DGKB: variants seen among roughly 807,000 people sequenced by gnomAD.
DGKB encodes the protein diacylglycerol kinase beta.
In DGKB, 67 loss-of-function variants were observed where a neutral mutation model predicts 114.3. The ratio of observed to expected loss-of-function variants is 0.59; its 90% CI spans 0.48 to 0.72. DGKB has a LOEUF of 0.72. Ranked by LOEUF, DGKB falls within the 30% of genes least tolerant of loss-of-function variation. The pLI, the probability that DGKB is intolerant of heterozygous loss-of-function variation, is 0.00. For synonymous variants in DGKB, 398 were observed against 323.1 expected (o/e 1.23, Z -2.49); for missense variants, 907 against 975.2 (o/e 0.93, Z 0.93).
intron 21 of DGKB, among the ~76,000 whole-genome samples, chr7:14,469,279 C>T (rs10950528): frequency 0.37 from 56,034 of 151,896 alleles, 10,729 homozygotes; most frequent in Admixed American, 0.47. Flanking sequence ...GCCCATCAAA[C>T]AAACAGGGCT....
chr7:14,709,607 A>G (rs1286393341), intron 6 of DGKB, among the ~76,000 whole-genome samples: 4 of 142,710 alleles, frequency 2.8e-5, no homozygotes, highest in Non-Finnish European at 6.1e-5. Context: ...AAAATGTGGC[A>G]CATATACACC....
At chr7:14,838,819 G>T (rs1478972335) in intron 2 of DGKB, among the ~76,000 whole-genome samples, 1 of 152,092 alleles carries the variant, frequency 6.6e-6, no homozygotes, top group African/African-American at 2.4e-5. Context: ...TTTGACTCAA[G>T]TACGGCATAT....
intron 15 of DGKB, among the ~76,000 whole-genome samples, chr7:14,616,917 T>C (rs1806647330): frequency 6.6e-6 from 1 of 151,814 alleles, no homozygotes; most frequent in Admixed American, 6.6e-5. Context: ...GTTATAAATT[T>C]GATGTGCAGG....
At chr7:14,893,494 ACCT>A (rs534699804) in intron 1 of DGKB, among the ~76,000 whole-genome samples, 1 of 151,032 alleles carries the variant, frequency 6.6e-6, no homozygotes, top group Admixed American at 6.6e-5. Context: ...TCCTAAAATT[ACCT>A]CCTTTTTCAC....
chr7:14,177,554 C>CAAAAAAAAAAAAAAAAAAAAAAAAAAAAA (rs56019837), intron 24 of DGKB, among the ~76,000 whole-genome samples: 37 of 69,026 alleles, frequency 5.4e-4, no homozygotes, highest in Non-Finnish European at 8.0e-4. Flanking sequence ...AACTCCGTCT[C>CAAAAAAAAAAAAAAAAAAAAAAAAAAAAA]AAAAAAAAAA....
intron 3 of DGKB, among the ~76,000 whole-genome samples, chr7:14,755,626 T>C (rs1265833332): frequency 6.6e-6 from 1 of 152,126 alleles, no homozygotes; most frequent in African/African-American, 2.4e-5. Flanking sequence ...AATTCTGCCA[T>C]ATTGTAAGAG....
intron 21 of DGKB, among the ~76,000 whole-genome samples, chr7:14,442,422 A>G (rs1183840047): frequency 1.3e-5 from 2 of 151,918 alleles, no homozygotes; most frequent in East Asian, 3.9e-4. Flanking sequence ...GTATTGGTAG[A>G]ATATTTGTCT....
At chr7:14,624,209 T>C (rs1164332077) in intron 14 of DGKB, among the ~76,000 whole-genome samples, 1 of 152,198 alleles carries the variant, frequency 6.6e-6, no homozygotes, top group East Asian at 1.9e-4. Context: ...GTGTTAGCTG[T>C]TCAAAAACTT....
At position 14,712,783 on chromosome 7, in the gene DGKB, T is replaced by C. The variant is rs115260088; in HGVS notation, c.466+5759A>G. ...GCCTGGTGAGCCTATAAAACCTTTC[T>C]CTTTTAAAACTATATTTAAAAATAA... On this transcript the variant is annotated intron_variant, in intron 6 of 25. Transcript: ENST00000402815. Among the ~76,000 whole-genome samples, 800 of 152,168 alleles carry C rather than the reference T, an allele frequency of 5.3e-3. 5 individuals are homozygous for C. Among genetic ancestry groups the C allele is most frequent in the African/African-American group, 0.018 (743 of 41,564 alleles).
intron 2 of DGKB, among the ~76,000 whole-genome samples, chr7:14,811,133 T>C (rs1329584710): frequency 6.6e-6 from 1 of 152,202 alleles, no homozygotes; most frequent in African/African-American, 2.4e-5. Context: ...AGTGGCATTC[T>C]GGAAGCTCAG....
chr7:14,449,856 G>C (rs535057357), intron 21 of DGKB, among the ~76,000 whole-genome samples: 1 of 152,086 alleles, frequency 6.6e-6, no homozygotes, highest in South Asian at 2.1e-4. Flanking sequence ...AGCCAACCCA[G>C]TTAGGTATTC....
intron 13 of DGKB, among the ~76,000 whole-genome samples, chr7:14,654,130 A>G (rs1391495053): frequency 6.6e-6 from 1 of 152,090 alleles, no homozygotes; most frequent in African/African-American, 2.4e-5. Context: ...TTACATATAG[A>G]AAAACCTGAA....
chr7:14,624,190 G>A (rs185081643), intron 14 of DGKB, among the ~76,000 whole-genome samples: 21 of 152,268 alleles, frequency 1.4e-4, no homozygotes, highest in Non-Finnish European at 2.4e-4. Flanking sequence ...ATTTGAAAAT[G>A]CATAGCTTGT....
chr7:14,705,685 T>G (rs1274394314), intron 6 of DGKB, among the ~76,000 whole-genome samples: 1 of 150,450 alleles, frequency 6.6e-6, no homozygotes, highest in African/African-American at 2.4e-5. Flanking sequence ...AAAAGAATTT[T>G]CAACCCAGAA....
rs1819243663 is a variant in DGKB, at chr7:14,673,063, A to G, written c.1036-36T>C. 4.8e-6 allele frequency: 6 copies of G among 1,237,318 alleles called. No individual in the cohort carries two copies. In the East Asian group the frequency reaches 1.0e-4, roughly 21 times the overall value. The allele number at this position is 1,237,318 out of a possible 1,614,324, so 76.6% of individuals were successfully genotyped here. On this transcript the variant is annotated intron_variant, in intron 12 of 25. Coordinates refer to ENST00000402815, the MANE Select transcript of DGKB (RefSeq NM_001350709.2). ...AGAAAGGGGGATAGTATCAAATTCT[A>G]CATGACAACGCCTAACATGGGGGAG...
chr7:14,377,901 A>G (rs907450079), intron 21 of DGKB, among the ~76,000 whole-genome samples: 43 of 152,178 alleles, frequency 2.8e-4, no homozygotes, highest in African/African-American at 9.4e-4. Flanking sequence ...TGGACAATAT[A>G]ATACTCTCCC....
chr7:14,287,972 A>G (rs1427133420), intron 23 of DGKB, among the ~76,000 whole-genome samples: 1 of 152,162 alleles, frequency 6.6e-6, no homozygotes, highest in Non-Finnish European at 1.5e-5. Context: ...ACTGGACCAT[A>G]TAATGGAGAG....
At chr7:14,811,212 G>T (rs1843392422) in intron 2 of DGKB, among the ~76,000 whole-genome samples, 1 of 152,090 alleles carries the variant, frequency 6.6e-6, no homozygotes, top group African/African-American at 2.4e-5. Flanking sequence ...AAAATTATCT[G>T]TTTATTTATT....
chr7:14,888,980 G>A (rs1397374363), intron 1 of DGKB, among the ~76,000 whole-genome samples: 2 of 151,586 alleles, frequency 1.3e-5, no homozygotes, highest in Non-Finnish European at 3.0e-5. Context: ...TAACACCATG[G>A]ATTGTAGCAG....
Sources: allele counts gnomAD v4.1 joint callset (sites outside exome capture counted in the v4.1 genomes callset), GRCh38; gene constraint gnomAD v4.1.1; transcripts MANE v1.5; gene names NCBI Gene and HGNC (gene_info 2026-07-23, HGNC 2026-07-21).